Variants in YBX3 observed in about 807,000 individuals in gnomAD.
YBX3 encodes the protein Y-box binding protein 3.
Under a neutral mutation model 42.4 loss-of-function variants are expected in YBX3, and 29 were observed. The ratio of observed to expected loss-of-function variants is 0.68; its 90% confidence interval spans 0.51 to 0.93. The LOEUF is 0.93. Among genes scored for constraint, YBX3 ranks in the 40% least tolerant of loss-of-function variants. YBX3 has a pLI of 0.00. For synonymous variants in YBX3, 195 were observed against 189.8 expected, an observed-to-expected ratio of 1.03 and a Z score of -0.22; for missense variants, 517 against 527.5, an observed-to-expected ratio of 0.98 and a Z score of 0.19.
intron 1 of YBX3, among the ~76,000 whole-genome samples, chr12:10,719,584 A>G (rs971181683): frequency 6.6e-6 from 1 of 152,234 alleles, no homozygotes; most frequent in African/African-American, 2.4e-5. Context: ...AATGAGAAAC[A>G]AGGTGGCTCC....
intron 9 of YBX3, 122 bp downstream of exon 9, chr12:10,701,132 G>T: frequency 1.6e-6 from 1 of 613,950 alleles, no homozygotes; most frequent in Non-Finnish European, 2.9e-6. Context: ...AGTCCCAATA[G>T]AGACAAGGGG....
Position 10,703,789 on chromosome 12 carries a change from A to G in YBX3, c.878+262T>C, listed in dbSNP as rs553045390. The G allele has an allele frequency of 2.7e-5, 11 of 400,436 alleles. No homozygotes were observed. The South Asian group carries it at 3.4e-4, about 13-fold the overall frequency. The allele number at this position is 400,436 out of a possible 1,614,324, so 24.8% of individuals were successfully genotyped here. On this transcript the variant is annotated intron_variant, in intron 7 of 9. Coordinates refer to ENST00000228251, the MANE Select transcript of YBX3 (RefSeq NM_003651.5). ...TGCCCACCAATAATTTATCTGATTT[A>G]TTTTGATAAAAATTAAGTATTAATT...
intron 4 of YBX3, 47 bp from the exon 5 acceptor site, chr12:10,713,380 A>T (rs375650156): frequency 3.1e-5 from 50 of 1,595,880 alleles, no homozygotes; most frequent in Non-Finnish European, 4.3e-5. Context: ...AAGAATATAC[A>T]CTAACTCAAA....
intron 3 of YBX3, 93 bp from the exon 4 acceptor site, chr12:10,715,876 A>C: frequency 9.5e-7 from 1 of 1,048,862 alleles, no homozygotes; most frequent in Non-Finnish European, 1.4e-6. Context: ...AACTTGAAGA[A>C]ACTGTTGACC....
At chr12:10,721,636 A>G (rs1041443907) in intron 1 of YBX3, among the ~76,000 whole-genome samples, 11 of 149,656 alleles carry the variant, frequency 7.4e-5, no homozygotes, top group Admixed American at 1.3e-4. Flanking sequence ...AAAGCCCTAG[A>G]AAAAAAAAAC....
chr12:10,718,870 T>C (rs1307402278), intron 2 of YBX3, among the ~76,000 whole-genome samples: 1 of 152,218 alleles, frequency 6.6e-6, no homozygotes, highest in Non-Finnish European at 1.5e-5. Context: ...CCTTAATGAC[T>C]AGATTTTATG....
chr12:10,714,899 G>A (rs928107797), intron 4 of YBX3, among the ~76,000 whole-genome samples: 1 of 151,852 alleles, frequency 6.6e-6, no homozygotes, highest in African/African-American at 2.4e-5. Flanking sequence ...AATTACAGGA[G>A]TGCGACCACA....
intron 6 of YBX3, among the ~76,000 whole-genome samples, chr12:10,709,199 G>A (rs999331576): frequency 6.6e-6 from 1 of 152,112 alleles, no homozygotes; most frequent in Non-Finnish European, 1.5e-5. Flanking sequence ...CGACACTGAG[G>A]AGAAAAAAGT....
rs150125475 is a variant in YBX3 at position 10,700,647 on chromosome 12, C to T, written c.*34+607G>A. 4.9e-4 allele frequency among the ~76,000 whole-genome samples: 75 copies of T among 152,258 alleles called. 1 individual carries two copies. The East Asian group carries it at 0.013, about 26-fold the overall frequency. On this transcript the variant is annotated intron_variant, in intron 9 of 9. Coordinates refer to ENST00000228251, the MANE Select transcript of YBX3 (RefSeq NM_003651.5). Reference sequence around the variant, plus strand: ...ATTGTAAACACTCCCTGTTATTTCACTTAATAATCCTTGCAACGACCCTAG... The same window carrying T: ...ATTGTAAACACTCCCTGTTATTTCATTTAATAATCCTTGCAACGACCCTAG...
chr12:10,715,889 T>C, intron 3 of YBX3, 106 bp from the exon 4 acceptor site: 1 of 910,172 alleles, frequency 1.1e-6, no homozygotes, highest in Non-Finnish European at 1.7e-6. Context: ...TGTTGACCGA[T>C]TCTTATTTTT....
intron 1 of YBX3, among the ~76,000 whole-genome samples, chr12:10,720,320 C>G (rs1031592028): frequency 6.6e-6 from 1 of 152,172 alleles, no homozygotes; most frequent in African/African-American, 2.4e-5. Context: ...TAGACTGATA[C>G]ACTTGGGAAA....
intron 1 of YBX3, among the ~76,000 whole-genome samples, chr12:10,719,950 T>C (rs1458144379): frequency 4.6e-5 from 7 of 152,216 alleles, no homozygotes; most frequent in Non-Finnish European, 8.8e-5. Flanking sequence ...TCATGTAACT[T>C]GTATTTTGTA....
chr12:10,715,246 T>C (rs1948246924), intron 4 of YBX3, among the ~76,000 whole-genome samples: 1 of 151,974 alleles, frequency 6.6e-6, no homozygotes, highest in Non-Finnish European at 1.5e-5. Flanking sequence ...AATGACAATG[T>C]CAAAAATATT....
intron 6 of YBX3, among the ~76,000 whole-genome samples, chr12:10,709,547 T>C (rs1378214655): frequency 6.6e-6 from 1 of 152,222 alleles, no homozygotes; most frequent in Non-Finnish European, 1.5e-5. Context: ...AACTTGGTTT[T>C]CTCAAAACCT....
In YBX3 at chr12:10,713,253, G is replaced by GT. The variant is rs1329522745; in HGVS notation, c.530dup (p.Tyr177Ter). 2 of 1,614,052 alleles carry GT rather than the reference G, an allele frequency of 1.2e-6. No individual in the cohort carries two copies. Among genetic ancestry groups the GT allele is most frequent in the East Asian group, 2.2e-5 (1 of 44,876 alleles). Residue 177 changes from tyrosine to a stop codon, truncating the protein, a stop_gained and frameshift_variant, in exon 5 of 10, where the codon TAC becomes TAAC. Coordinates refer to ENST00000228251, the MANE Select transcript of YBX3 (RefSeq NM_003651.5). LOFTEE classifies it high-confidence loss of function. ...GGCGCCTTCCATAGTAGCCACGTCT[G>GT]TAACGGCGCCGATCTGCAGCGTAAC... ...GSRYAADRRR[Y>*]RRGYYGRRRG...
intron 4 of YBX3, among the ~76,000 whole-genome samples, chr12:10,714,545 C>T (rs189798780): frequency 9.9e-5 from 15 of 152,222 alleles, no homozygotes; most frequent in Admixed American, 8.5e-4. Context: ...TCAGTTCACC[C>T]GGACGAAGCT....
At chr12:10,712,541 G>T (rs1948211186) in intron 5 of YBX3, 1 of 152,140 alleles carries the variant, frequency 6.6e-6, no homozygotes. Context: ...AGGCAAATTC[G>T]TTAATAGTTC....
intron 6 of YBX3, among the ~76,000 whole-genome samples, chr12:10,706,028 T>G (rs1948133177): frequency 6.6e-6 from 1 of 152,234 alleles, no homozygotes; most frequent in Non-Finnish European, 1.5e-5. Context: ...GGGACAGGTA[T>G]GCTCAATGCT....
chr12:10,713,251 C>A lies in YBX3; in HGVS notation c.533G>T (p.Arg178Ile), dbSNP rs755316731. ...ACGGCGCCTTCCATAGTAGCCACGT[C>A]TGTAACGGCGCCGATCTGCAGCGTA... Reference protein sequence around the residue: ...SRYAADRRRYRRGYYGRRRGP... With the variant: ...SRYAADRRRYIRGYYGRRRGP... Residue 178 changes from arginine to isoleucine, a missense_variant, in exon 5 of 10, where the codon AGA (arginine) becomes ATA (isoleucine). Coordinates refer to ENST00000228251, the MANE Select transcript of YBX3 (RefSeq NM_003651.5). 2.5e-6 allele frequency: 4 copies of A among 1,614,110 alleles called. No individual in the cohort carries two copies. Among genetic ancestry groups the A allele is most frequent in the Non-Finnish European group, 3.4e-6 (4 of 1,180,040 alleles).
Sources: allele counts gnomAD v4.1 joint callset (sites outside exome capture counted in the v4.1 genomes callset), GRCh38; gene constraint gnomAD v4.1.1; transcripts MANE v1.5; gene names NCBI Gene and HGNC (gene_info 2026-07-23, HGNC 2026-07-21).